Variants in KIF26B observed in about 807,000 individuals in gnomAD.
KIF26B encodes the protein kinesin family member 26B.
Under a neutral mutation model 151.2 loss-of-function variants are expected in KIF26B, and 63 were observed. The ratio of observed to expected loss-of-function variants is 0.42; its 90% CI spans 0.34 to 0.51. The LOEUF is 0.51. Among genes scored for constraint, KIF26B ranks in the 20% least tolerant of loss-of-function variants. The probability of loss-of-function intolerance (pLI) is 0.07; values close to 1 mark genes in which losing one functional copy is unlikely to be tolerated. For missense variants in KIF26B, 2,813 were observed against 2,913.6 expected (o/e 0.97, Z 0.79); for synonymous variants, 1,357 against 1,262.1 (o/e 1.08, Z -1.59).
At chr1:245,405,370 C>T (rs1221444755) in intron 3 of KIF26B, among the ~76,000 whole-genome samples, 2 of 152,172 alleles carry the variant, frequency 1.3e-5, no homozygotes, top group Non-Finnish European at 2.9e-5. Flanking sequence ...GGCTTTAGAG[C>T]ATTGGTTTTG....
intron 9 of KIF26B, among the ~76,000 whole-genome samples, chr1:245,640,143 C>CTCTCTCTCTCTCTCTCTATA: frequency 9.4e-5 from 3 of 31,920 alleles, no homozygotes; most frequent in African/African-American, 2.8e-4. Flanking sequence ...CTCTCTCTCT[C>CTCTCTCTCTCTCTCTCTATA]TATATATATA....
chr1:245,217,756 T>C (rs1204026620), intron 2 of KIF26B, among the ~76,000 whole-genome samples: 1 of 152,136 alleles, frequency 6.6e-6, no homozygotes, highest in Non-Finnish European at 1.5e-5. Flanking sequence ...GAGTCCTGAG[T>C]GCTGGCCTGG....
chr1:245,682,150 C>T (rs1468904114), intron 10 of KIF26B, among the ~76,000 whole-genome samples: 2 of 152,106 alleles, frequency 1.3e-5, no homozygotes, highest in South Asian at 2.1e-4. Flanking sequence ...GAGGCTGAGG[C>T]GGGAGAATCC....
chr1:245,419,590 G>A lies in KIF26B; in HGVS notation c.1011G>A (p.Leu337=). The A allele has an allele frequency of 1.2e-6, 2 of 1,610,224 alleles. No homozygotes were observed. The highest frequency in any genetic ancestry group is 8.5e-7 in the Non-Finnish European group (1 of 1,178,004). ...VTLYPYQISQ[L]MTESSREGLT... is the part of the protein sequence containing the mutation. ...ATTTTCTTTGTCAGATCTCCCAGCT[G>A]ATGACAGAGAGTAGCCGGGAGGGAC... The change falls in exon 4 of 15, where the codon CTG becomes CTA. Residue 337 remains leucine, a synonymous_variant. Transcript: ENST00000407071.
chr1:245,474,103 GTAGGTCCTT>G (rs928595869), intron 4 of KIF26B, among the ~76,000 whole-genome samples: 20 of 114,064 alleles, frequency 1.8e-4, no homozygotes, highest in African/African-American at 6.8e-4. Flanking sequence ...CTGTCAAACA[GTAGGTCCTT>G]TTTTTTTTTT....
chr1:245,448,294 G>A (rs942345914), intron 4 of KIF26B, among the ~76,000 whole-genome samples: 1 of 152,088 alleles, frequency 6.6e-6, no homozygotes, highest in African/African-American at 2.4e-5. Context: ...TGCAACCTCC[G>A]CCACTCAGGT....
At chr1:245,185,821 T>C (rs1370159497) in intron 2 of KIF26B, among the ~76,000 whole-genome samples, 2 of 152,018 alleles carry the variant, frequency 1.3e-5, no homozygotes, top group African/African-American at 2.4e-5. Context: ...TGATGCTGGC[T>C]ACAACCTTGA....
chr1:245,396,663 A>C (rs1044641330), intron 3 of KIF26B, among the ~76,000 whole-genome samples: 38 of 151,946 alleles, frequency 2.5e-4, no homozygotes, highest in African/African-American at 8.7e-4. Flanking sequence ...CAAAAAAAAA[A>C]CAACAACTAT....
chr1:245,436,118 A>C (rs1418763055), intron 4 of KIF26B, among the ~76,000 whole-genome samples: 3 of 151,580 alleles, frequency 2.0e-5, no homozygotes, highest in Admixed American at 6.6e-5. Context: ...TGGAGGTTGC[A>C]GTGAGCTGAG....
intron 12 of KIF26B, among the ~76,000 whole-genome samples, chr1:245,691,607 C>T (rs1164407849): frequency 6.6e-6 from 1 of 152,194 alleles, no homozygotes; most frequent in African/African-American, 2.4e-5. Context: ...TATAAAACTC[C>T]TCCAAGGAAA....
At chr1:245,329,417 T>A (rs1347106158) in intron 2 of KIF26B, among the ~76,000 whole-genome samples, 1 of 152,236 alleles carries the variant, frequency 6.6e-6, no homozygotes, top group Non-Finnish European at 1.5e-5. Flanking sequence ...CATTCCTGCC[T>A]GCAGCTCCGG....
chr1:245,669,857 G>C (rs554689000), intron 10 of KIF26B, among the ~76,000 whole-genome samples: 1 of 152,156 alleles, frequency 6.6e-6, no homozygotes, highest in Admixed American at 6.5e-5. Context: ...AGGGGAGCTG[G>C]AGGCCATTAT....
In KIF26B at chr1:245,518,743, C is replaced by T. The variant is rs545660115; in HGVS notation, c.1167-22024C>T. On this transcript the variant is annotated intron_variant, in intron 4 of 14. Transcript: ENST00000407071. ...ACAACATCTTGGATGCTTTTAGTCA[C>T]GAGTCAGAACGCCGCGGTGGTTACA... 1.1e-4 allele frequency among the ~76,000 whole-genome samples: 16 copies of T among 152,224 alleles called. No individual in the cohort carries two copies. The South Asian group carries it at 1.5e-3, about 14-fold the overall frequency.
At chr1:245,325,452 G>A (rs138021286) in intron 2 of KIF26B, among the ~76,000 whole-genome samples, 28 of 152,300 alleles carry the variant, frequency 1.8e-4, no homozygotes, top group Middle Eastern at 3.4e-3. Flanking sequence ...GGTGGCTCAC[G>A]CCAGTAATCC....
At chr1:245,231,426 G>A (rs1669995069) in intron 2 of KIF26B, among the ~76,000 whole-genome samples, 1 of 152,142 alleles carries the variant, frequency 6.6e-6, no homozygotes, top group Non-Finnish European at 1.5e-5. Context: ...TGAGGCAGGA[G>A]AATCGCTTGA....
chr1:245,471,611 C>T (rs887237838), intron 4 of KIF26B, among the ~76,000 whole-genome samples: 1 of 152,114 alleles, frequency 6.6e-6, no homozygotes, highest in Non-Finnish European at 1.5e-5. Flanking sequence ...TAAAAACGTA[C>T]TCATGAGTGA....
chr1:245,370,227 A>G (rs1340787011), intron 3 of KIF26B, among the ~76,000 whole-genome samples: 2 of 152,118 alleles, frequency 1.3e-5, no homozygotes, highest in Non-Finnish European at 1.5e-5. Context: ...CACTTAATAC[A>G]TTGGGTACAT....
chr1:245,184,047 G>GTTTTTTTTTTTTTTTT (rs1469137088), intron 2 of KIF26B, among the ~76,000 whole-genome samples: 139 of 9,210 alleles, frequency 0.015, 8 homozygotes, highest in Non-Finnish European at 0.022. Context: ...GGTGGGAGTT[G>GTTTTTTTTTTTTTTTT]TTGTTTTTTT....
chr1:245,553,052 G>T (rs886256906), intron 5 of KIF26B, among the ~76,000 whole-genome samples: 4 of 152,166 alleles, frequency 2.6e-5, no homozygotes, highest in Admixed American at 6.5e-5. Context: ...AGTGGATGGG[G>T]TGACACCATA....
Sources: allele counts gnomAD v4.1 joint callset (sites outside exome capture counted in the v4.1 genomes callset), GRCh38; gene constraint gnomAD v4.1.1; transcripts MANE v1.5; gene names NCBI Gene and HGNC (gene_info 2026-07-23, HGNC 2026-07-21).